GALK2: variants seen among roughly 807,000 people sequenced by gnomAD.
The protein encoded by GALK2 is N-acetylgalactosamine kinase.
In GALK2, 36 loss-of-function variants were observed where a neutral mutation model predicts 52.4. The ratio of observed to expected loss-of-function variants is 0.69; its 90% CI spans 0.53 to 0.91. GALK2 has a LOEUF of 0.91. Ranked by LOEUF, GALK2 falls within the 40% of genes least tolerant of loss-of-function variation. The probability of loss-of-function intolerance (pLI) is 0.00; values close to 1 mark genes in which losing one functional copy is unlikely to be tolerated. For synonymous variants in GALK2, 176 were observed against 199.1 expected, an observed-to-expected ratio of 0.88 and a Z score of 0.98; for missense variants, 579 against 559.1, an observed-to-expected ratio of 1.04 and a Z score of -0.36.
intron 1 of GALK2, among the ~76,000 whole-genome samples, chr15:49,181,366 A>G (rs1343523994): frequency 6.6e-6 from 1 of 151,518 alleles, no homozygotes; most frequent in Non-Finnish European, 1.5e-5. Context: ...TGGCCTCCCA[A>G]AGTGCTGGGA....
In GALK2 at chr15:49,331,568, G is replaced by T; in HGVS notation, c.*3409G>T. The stretch of plus-strand genomic sequence containing the variant: ...TTACATAAACTGTTCCTGGTCAGAA[G>T]CTGGAAATGGGGAATGTGAACATGA... On this transcript the variant is annotated 3_prime_UTR_variant, in exon 10 of 10. Transcript: ENST00000560031. The T allele has an allele frequency of 2.0e-6, 1 of 487,954 alleles. No homozygotes were observed. The highest frequency in any genetic ancestry group is 3.6e-6 in the Non-Finnish European group (1 of 276,690). 30.2% of individuals were successfully genotyped at this position (487,954 alleles called of 1,614,324 possible).
intron 5 of GALK2, among the ~76,000 whole-genome samples, chr15:49,247,006 T>C (rs2091384244): frequency 6.6e-6 from 1 of 152,146 alleles, no homozygotes; most frequent in Non-Finnish European, 1.5e-5. Flanking sequence ...CAAATAAATA[T>C]ATAATATCAG....
intron 9 of GALK2, chr15:49,326,968 A>T (rs1175669247): frequency 6.6e-6 from 1 of 152,202 alleles, no homozygotes; most frequent in African/African-American, 2.4e-5. Flanking sequence ...AATTGTGCTA[A>T]ATTAATCATA....
chr15:49,335,381 ATTATT>A (rs765631588), downstream of GALK2: 4 of 1,344,022 alleles, frequency 3.0e-6, no homozygotes, highest in African/African-American at 4.4e-5. Flanking sequence ...CTAAAAAAGT[ATTATT>A]TTATATTTAA....
At chr15:49,274,522 T>G (rs2031316298) in intron 5 of GALK2, among the ~76,000 whole-genome samples, 1 of 152,220 alleles carries the variant, frequency 6.6e-6, no homozygotes, top group East Asian at 1.9e-4. Context: ...TGTACACTAC[T>G]GTAGACTTTA....
chr15:49,329,841 T>C lies in GALK2; in HGVS notation c.*1682T>C. 4 of 809,282 alleles carry C rather than the reference T, an allele frequency of 4.9e-6. No individual in the cohort carries two copies. Among genetic ancestry groups the C allele is most frequent in the Non-Finnish European group, 6.0e-6 (4 of 670,198 alleles). 50.1% of individuals were successfully genotyped at this position (809,282 alleles called of 1,614,324 possible). A position where few individuals can be genotyped will look rare whatever the true frequency, so the allele number is the denominator to read the frequency against. Reference sequence around the variant, plus strand: ...AAAAAAAAGGCACCTGTCATTGTTTTGCTGTTCCATTTACAATTTTCACCA... The same window carrying C: ...AAAAAAAAGGCACCTGTCATTGTTTCGCTGTTCCATTTACAATTTTCACCA... On this transcript the variant is annotated 3_prime_UTR_variant, in exon 10 of 10. Transcript: ENST00000560031.
At chr15:49,159,676 C>A (rs2084584077) in intron 1 of GALK2, among the ~76,000 whole-genome samples, 1 of 151,490 alleles carries the variant, frequency 6.6e-6, no homozygotes, top group Non-Finnish European at 1.5e-5. Flanking sequence ...CCTTTTTGGT[C>A]ATAGTTCTTT....
chr15:49,184,238 C>G (rs1159441407), intron 1 of GALK2, among the ~76,000 whole-genome samples: 2 of 151,546 alleles, frequency 1.3e-5, no homozygotes, highest in Non-Finnish European at 2.9e-5. Flanking sequence ...TTTTTCTCTT[C>G]TTATAGTTTT....
At chr15:49,185,155 G>A (rs1163212237) in intron 1 of GALK2, among the ~76,000 whole-genome samples, 4 of 152,044 alleles carry the variant, frequency 2.6e-5, no homozygotes, top group African/African-American at 9.7e-5. Context: ...GTAGTCTGGA[G>A]TGTCTTTTGT....
chr15:49,354,176 G>T (rs1027417377), intron 3 of GALK2: 1 of 152,118 alleles, frequency 6.6e-6, no homozygotes, highest in African/African-American at 2.4e-5. Flanking sequence ...ATTTTCAATT[G>T]TTGAGTTTAA....
intron 2 of GALK2, among the ~76,000 whole-genome samples, chr15:49,201,577 C>T (rs1403763120): frequency 2.6e-5 from 4 of 152,108 alleles, no homozygotes; most frequent in Non-Finnish European, 2.9e-5. Context: ...TTTATATTTA[C>T]TCACTGGGTT....
At chr15:49,296,140 T>C (rs2034457324) in intron 8 of GALK2, among the ~76,000 whole-genome samples, 1 of 152,200 alleles carries the variant, frequency 6.6e-6, no homozygotes, top group Non-Finnish European at 1.5e-5. Context: ...AACTTAATTT[T>C]AGGTTCAGGG....
At chr15:49,252,910 T>A (rs1188312470) in intron 5 of GALK2, among the ~76,000 whole-genome samples, 3 of 144,568 alleles carry the variant, frequency 2.1e-5, no homozygotes, top group Non-Finnish European at 4.7e-5. Flanking sequence ...AATTAGATAG[T>A]TTAAATGTTT....
At chr15:49,174,229 C>G (rs72727237) in intron 1 of GALK2, among the ~76,000 whole-genome samples, 7,879 of 152,124 alleles carry the variant, frequency 0.052, 299 homozygotes, top group East Asian at 0.15. Context: ...TTTTTTAAAG[C>G]TCATTTATGA....
chr15:49,343,780 T>C (rs1045866335), intron 3 of GALK2: 2 of 152,222 alleles, frequency 1.3e-5, no homozygotes, highest in Admixed American at 6.5e-5. Context: ...AAAGACAGCA[T>C]TGTCTTCAGG....
rs2034027015 is a variant in GALK2, at chr15:49,292,432, G to T, written c.862G>T (p.Asp288Tyr). 3 of 1,614,024 alleles carry T rather than the reference G, an allele frequency of 1.9e-6. No homozygotes were observed. The highest frequency in any genetic ancestry group is 2.5e-6 in the Non-Finnish European group (3 of 1,179,936). ...AGAAGAAATGCTGTTGGTCACAGAAGATGCCCTTCATCCTGAACCCTATAA... is the reference window on the plus strand; with the variant it reads ...AGAAGAAATGCTGTTGGTCACAGAATATGCCCTTCATCCTGAACCCTATAA... Reference protein sequence around the residue: ...SLEEMLLVTEDALHPEPYNPE... With the variant: ...SLEEMLLVTEYALHPEPYNPE... Residue 288 changes from aspartate (D) to tyrosine (Y), a missense_variant, in exon 8 of 10, where the codon GAT becomes TAT. Transcript: ENST00000560031.
At chr15:49,210,254 A>T (rs1230255234) in intron 2 of GALK2, among the ~76,000 whole-genome samples, 1 of 151,200 alleles carries the variant, frequency 6.6e-6, no homozygotes, top group Non-Finnish European at 1.5e-5. Context: ...ATTTGCTATT[A>T]TGTTTACCTT....
In GALK2 at chr15:49,155,973, G is replaced by T. The variant is rs374696107; in HGVS notation, c.-24G>T. The T allele has an allele frequency of 3.1e-6, 5 of 1,613,884 alleles. No homozygotes were observed. The African/African-American group carries it at 6.7e-5, about 22-fold the overall frequency. ...AGTAAGGGACAGCTTAGGACCAGAA[G>T]CCTTTCGCGGAGAAAAGGCTGACAT... On this transcript the variant is annotated 5_prime_UTR_variant, in exon 1 of 10. Transcript: ENST00000327171.
At chr15:49,246,715 C>T (rs2091368973) in intron 5 of GALK2, among the ~76,000 whole-genome samples, 1 of 152,132 alleles carries the variant, frequency 6.6e-6, no homozygotes, top group East Asian at 1.9e-4. Flanking sequence ...CCTGGGGAAT[C>T]TCTTAGATGG....
Sources: gnomAD v4.1 joint callset for allele counts (sites outside exome capture counted in the v4.1 genomes callset) on GRCh38, gnomAD v4.1.1 for gene constraint, MANE v1.5 for transcripts, NCBI Gene and HGNC (gene_info 2026-07-23, HGNC 2026-07-21) for gene names.